ZNF516: variants seen among roughly 807,000 people sequenced by gnomAD.
ZNF516 encodes zinc finger protein 516.
ZNF516 carries 19 observed loss-of-function variants against 79.7 expected under a neutral mutation model. The ratio of observed to expected loss-of-function variants is 0.24; its 90% CI spans 0.17 to 0.35. ZNF516 has a LOEUF of 0.35. Among genes scored for constraint, ZNF516 ranks in the 10% least tolerant of loss-of-function variants. The pLI, the probability that ZNF516 is intolerant of heterozygous loss-of-function variation, is 1.00. For synonymous variants in ZNF516, 877 were observed against 739.5 expected (o/e 1.19, Z -3.02); for missense variants, 1,678 against 1,679.5 (o/e 1.00, Z 0.02).
intron 3 of ZNF516, among the ~76,000 whole-genome samples, chr18:76,429,957 A>G (rs962690330): frequency 3.9e-5 from 6 of 152,178 alleles, no homozygotes; most frequent in Admixed American, 1.3e-4. Context: ...TAGAAACCGC[A>G]GAGACTCTGT....
intron 3 of ZNF516, among the ~76,000 whole-genome samples, chr18:76,408,038 G>A (rs1599041969): frequency 6.6e-6 from 1 of 152,310 alleles, no homozygotes; most frequent in African/African-American, 2.4e-5. Flanking sequence ...CGCTAGACAT[G>A]CACCATTTTA....
chr18:76,407,416 G>A (rs1476309910), intron 3 of ZNF516, among the ~76,000 whole-genome samples: 1 of 152,174 alleles, frequency 6.6e-6, no homozygotes, highest in Admixed American at 6.5e-5. Context: ...CAGAGACCCT[G>A]TCTCATAACA....
intron 3 of ZNF516, among the ~76,000 whole-genome samples, chr18:76,392,324 T>C (rs1160678625): frequency 2.0e-5 from 3 of 152,168 alleles, no homozygotes; most frequent in Admixed American, 6.5e-5. Context: ...TTTACAATCT[T>C]CTGGTCAGCC....
intron 2 of ZNF516, among the ~76,000 whole-genome samples, chr18:76,452,893 C>T (rs571221393): frequency 3.3e-5 from 5 of 152,092 alleles, no homozygotes; most frequent in Non-Finnish European, 7.4e-5. Context: ...CTTACCATAT[C>T]CTGGGAAATT....
At chr18:76,405,413 G>C (rs987201327) in intron 3 of ZNF516, among the ~76,000 whole-genome samples, 1 of 152,162 alleles carries the variant, frequency 6.6e-6, no homozygotes, top group Admixed American at 6.5e-5. Flanking sequence ...CACTCAGGAA[G>C]GGCTCAGTGA....
chr18:76,427,222 A>G (rs1044364838), intron 3 of ZNF516, among the ~76,000 whole-genome samples: 1 of 152,232 alleles, frequency 6.6e-6, no homozygotes, highest in Non-Finnish European at 1.5e-5. Flanking sequence ...GACTGGAACC[A>G]TCTTGAGAAA....
intron 2 of ZNF516, among the ~76,000 whole-genome samples, chr18:76,449,954 C>G (rs1912291503): frequency 6.6e-6 from 1 of 152,194 alleles, no homozygotes; most frequent in African/African-American, 2.4e-5. Context: ...CGAGCACATT[C>G]AAACATATTG....
At chr18:76,492,988 TCACA>T (rs777545872) in intron 1 of ZNF516, 2 of 985,324 alleles carry the variant, frequency 2.0e-6, no homozygotes, top group African/African-American at 1.7e-5. Flanking sequence ...ACGCGCGCGC[TCACA>T]CACACACCCC....
In ZNF516 at chr18:76,379,489, G is replaced by A. The variant is rs373077231; in HGVS notation, c.2625C>T (p.Cys875=). Residue 875 remains cysteine (C), a synonymous_variant, in exon 4 of 7, where the codon TGC becomes TGT. Coordinates refer to ENST00000443185, the MANE Select transcript of ZNF516 (RefSeq NM_014643.4). ...CGTCAGGGCCGGGCGCCCACAGAGC[G>A]CAGGGACCTCCGGAATGGCTCTCCT... ...KNKESHSGGP[C]ALWAPGPDGY... is the part of the protein sequence containing the mutation. 4.5e-5 allele frequency: 73 copies of A among 1,613,730 alleles called. No homozygotes were observed. Among genetic ancestry groups the A allele is most frequent in the African/African-American group, 1.5e-4 (11 of 75,074 alleles).
At position 76,475,914 on chromosome 18, in the gene ZNF516, G is replaced by T. The variant is rs1914147609; in HGVS notation, c.-271-12773C>A. 2.0e-5 allele frequency among the ~76,000 whole-genome samples: 3 copies of T among 152,196 alleles called. 1 individual carries two copies. The South Asian group carries it at 6.2e-4, about 31-fold the overall frequency. ...ATTCACCAAGCGAATGTATTTAAAT[G>T]CCTAATACAGTGACTGGCATAGAGC... On this transcript the variant is annotated intron_variant, in intron 1 of 6. Coordinates refer to ENST00000443185, the MANE Select transcript of ZNF516 (RefSeq NM_014643.4).
chr18:76,378,541 G>A (rs1271819991), intron 4 of ZNF516, among the ~76,000 whole-genome samples: 1 of 152,226 alleles, frequency 6.6e-6, no homozygotes, highest in African/African-American at 2.4e-5. Flanking sequence ...ATGTCGGTGT[G>A]GAGGAAACGT....
chr18:76,400,412 G>A (rs1278225841), intron 3 of ZNF516, among the ~76,000 whole-genome samples: 1 of 152,198 alleles, frequency 6.6e-6, no homozygotes, highest in Non-Finnish European at 1.5e-5. Context: ...GCACTTGGTA[G>A]GATTTGCTAC....
rs75674790 is a variant in ZNF516, at chr18:76,422,431, C to T, written c.1810+18814G>A. Among the ~76,000 whole-genome samples the T allele has an allele frequency of 6.8e-3, 1,038 of 152,238 alleles. 34 individuals are homozygous for T. Among genetic ancestry groups the T allele is most frequent in the East Asian group, 0.065 (336 of 5,182 alleles). On this transcript the variant is annotated intron_variant, in intron 3 of 6. Coordinates refer to ENST00000443185, the MANE Select transcript of ZNF516 (RefSeq NM_014643.4). ...CAAACACGTGACTGCCCTAACTTTC[C>T]GGAAGCTAAATGTAGGATTCAGAAA...
intron 1 of ZNF516, chr18:76,494,039 CTGA>C: frequency 6.6e-6 from 1 of 152,182 alleles, no homozygotes; most frequent in East Asian, 1.9e-4. Flanking sequence ...CTTATTAACG[CTGA>C]TAATAGATGA....
Position 76,380,312 on chromosome 18 carries a change from G to C in ZNF516, c.1811-9C>G. The C allele has an allele frequency of 1.2e-6, 2 of 1,608,812 alleles. No individual in the cohort carries two copies. The highest frequency in any genetic ancestry group is 1.7e-6 in the Non-Finnish European group (2 of 1,177,268). Reference sequence around the variant, plus strand: ...GCGGCGCGGCTGTCCCCCTAGAGGAGGCAAAATATGAAACGGGAAGTTACC... The same window carrying C: ...GCGGCGCGGCTGTCCCCCTAGAGGACGCAAAATATGAAACGGGAAGTTACC... On this transcript the variant is annotated splice_polypyrimidine_tract_variant and intron_variant, in intron 3 of 6. Coordinates refer to ENST00000443185, the MANE Select transcript of ZNF516 (RefSeq NM_014643.4).
chr18:76,489,222 G>A (rs1217331765), intron 1 of ZNF516, among the ~76,000 whole-genome samples: 2 of 152,070 alleles, frequency 1.3e-5, no homozygotes, highest in Non-Finnish European at 2.9e-5. Flanking sequence ...AATCCACAAC[G>A]ACCCAATACA....
chr18:76,365,551 T>C (rs534141001), intron 6 of ZNF516, among the ~76,000 whole-genome samples: 223 of 152,374 alleles, frequency 1.5e-3, no homozygotes, highest in Middle Eastern at 3.4e-3. Context: ...TGATGATTAC[T>C]AGAAATTAAA....
chr18:76,369,974 A>G (rs1217225707), intron 6 of ZNF516, among the ~76,000 whole-genome samples: 2 of 152,156 alleles, frequency 1.3e-5, no homozygotes, highest in Admixed American at 1.3e-4. Context: ...CCACACACTC[A>G]GTGTGTACTG....
intron 1 of ZNF516, chr18:76,490,048 C>A: frequency 2.5e-6 from 1 of 405,718 alleles, no homozygotes; most frequent in Non-Finnish European, 3.3e-6. Flanking sequence ...GAAAACAAAG[C>A]CCTACTAATG....
Sources: gnomAD v4.1 joint callset for allele counts (sites outside exome capture counted in the v4.1 genomes callset) on GRCh38, gnomAD v4.1.1 for gene constraint, MANE v1.5 for transcripts, NCBI Gene and HGNC (gene_info 2026-07-23, HGNC 2026-07-21) for gene names.